The following GRHL3 variants were observed in gnomAD, a reference collection of about 807,000 sequenced individuals.
GRHL3 encodes the protein grainyhead-like protein 3 homolog.
A neutral mutation model predicts 70.3 loss-of-function variants in GRHL3; 20 were observed. The ratio of observed to expected loss-of-function variants is 0.28; its 90% CI spans 0.20 to 0.41. GRHL3 has a LOEUF of 0.41. Among genes scored for constraint, GRHL3 ranks in the 10% least tolerant of loss-of-function variants. The pLI is 1.00. For synonymous variants in GRHL3, 299 were observed against 299.9 expected, an observed-to-expected ratio of 1.00 and a Z score of 0.03; for missense variants, 637 against 762.3, an observed-to-expected ratio of 0.84 and a Z score of 1.94.
chr1:24,343,067 G>A (rs1213995893), intron 11 of GRHL3, 42 bp downstream of exon 11: 1 of 1,612,390 alleles, frequency 6.2e-7, no homozygotes, highest in Non-Finnish European at 8.5e-7. Flanking sequence ...CCGAGAGAGG[G>A]TCCTGGCTCC....
chr1:24,352,270 G>A (rs1307405397), intron 15 of GRHL3, among the ~76,000 whole-genome samples: 1 of 152,116 alleles, frequency 6.6e-6, no homozygotes, highest in Non-Finnish European at 1.5e-5. Context: ...TCAAAGGCCT[G>A]GTTTATTTTC....
exon 16 of GRHL3, chr1:24,364,269 G>A (rs1466944452): frequency 6.5e-7 from 1 of 1,549,216 alleles, no homozygotes; most frequent in Non-Finnish European, 8.7e-7. Flanking sequence ...CTCAAGTGAG[G>A]AACATGGGTT....
At chr1:24,361,306 C>G (rs1391910411) in intron 15 of GRHL3, among the ~76,000 whole-genome samples, 1 of 152,166 alleles carries the variant, frequency 6.6e-6, no homozygotes, top group East Asian at 1.9e-4. Context: ...ACACAGTACT[C>G]AGGATAGGCC....
At chr1:24,356,848 T>A (rs894502613), downstream of GRHL3, among the ~76,000 whole-genome samples, 1 of 152,192 alleles carries the variant, frequency 6.6e-6, no homozygotes, top group Non-Finnish European at 1.5e-5. Flanking sequence ...AGTAAAACTT[T>A]TTTTAAAAAG....
chr1:24,351,100 C>T (rs1239428512), intron 15 of GRHL3, among the ~76,000 whole-genome samples: 1 of 152,238 alleles, frequency 6.6e-6, no homozygotes, highest in Admixed American at 6.5e-5. Flanking sequence ...CCCCTCTGCC[C>T]ACAGCTCCAA....
rs116674530 is a variant in GRHL3 at position 24,336,775 on chromosome 1, C to T, written c.560C>T (p.Pro187Leu). ...NSLFESIHGVPPTQRWQPDST... is the reference protein window; with the variant it reads ...NSLFESIHGVLPTQRWQPDST... ...TTGTTTGAGAGCATTCATGGGGTGC[C>T]GCCCACACAGCGCTGGCAGCCAGAC... Residue 187 changes from proline to leucine, a missense_variant, in exon 4 of 16, where the codon CCG becomes CTG. By Grantham distance (98) the Pro-to-Leu change is moderately conservative. Transcript: ENST00000361548. 1.7e-4 allele frequency: 267 copies of T among 1,613,104 alleles called. 2 individuals are homozygous for T. The African/African-American group carries it at 1.8e-3, about 11-fold the overall frequency.
At chr1:24,351,316 G>C (rs1640495677) in intron 15 of GRHL3, among the ~76,000 whole-genome samples, 1 of 152,082 alleles carries the variant, frequency 6.6e-6, no homozygotes, top group African/African-American at 2.4e-5. Context: ...GCCCAGCCCT[G>C]CCTGCCTTCC....
intron 7 of GRHL3, among the ~76,000 whole-genome samples, chr1:24,338,545 C>G (rs1639916033): frequency 6.6e-6 from 1 of 152,240 alleles, no homozygotes; most frequent in African/African-American, 2.4e-5. Context: ...ACAGCCCGCC[C>G]TCAAGTCTTC....
intron 15 of GRHL3, among the ~76,000 whole-genome samples, chr1:24,351,545 C>A (rs991145627): frequency 6.6e-6 from 1 of 152,090 alleles, no homozygotes; most frequent in Non-Finnish European, 1.5e-5. Context: ...TCTGCTTTCC[C>A]CAGACAAGCC....
chr1:24,329,381 G>T (rs1216857987), intron 1 of GRHL3, among the ~76,000 whole-genome samples: 1 of 152,214 alleles, frequency 6.6e-6, no homozygotes, highest in African/African-American at 2.4e-5. Context: ...GATTACAGGG[G>T]TCTCTGCCCA....
intron 14 of GRHL3, among the ~76,000 whole-genome samples, chr1:24,349,269 G>T (rs1640408715): frequency 1.3e-5 from 2 of 152,234 alleles, no homozygotes; most frequent in Non-Finnish European, 2.9e-5. Flanking sequence ...TCCTCATGCA[G>T]GGAAGTAAGT....
chr1:24,337,189 G>A (rs1300997969), intron 5 of GRHL3, 38 bp downstream of exon 5: 2 of 1,465,334 alleles, frequency 1.4e-6, no homozygotes, highest in Non-Finnish European at 1.9e-6. Flanking sequence ...CACCTGGGCA[G>A]TGGGCAGGAG....
chr1:24,337,892 C>G lies in GRHL3; in HGVS notation c.841-100C>G, dbSNP rs1207865101. The stretch of plus-strand genomic sequence containing the variant: ...TGGGGAAAGGCTGTTTGATAATAGC[C>G]CATTGCCACAGGGTTGGGGAAACTG... On this transcript the variant is annotated intron_variant, in intron 6 of 15. Coordinates refer to ENST00000361548, the MANE Select transcript of GRHL3 (RefSeq NM_198173.3). 1.9e-6 allele frequency: 3 copies of G among 1,565,564 alleles called. No homozygotes were observed. In the African/African-American group the frequency reaches 4.1e-5, roughly 21 times the overall value.
intron 5 of GRHL3, 194 bp from the exon 6 acceptor site, chr1:24,337,442 A>G (rs2148656705): frequency 1.6e-6 from 1 of 623,264 alleles, no homozygotes; most frequent in African/African-American, 1.8e-5. Context: ...CTCATTATTC[A>G]GCAGGACTGT....
chr1:24,331,759 C>T, intron 2 of GRHL3, 147 bp downstream of exon 2: 1 of 551,234 alleles, frequency 1.8e-6, no homozygotes. Flanking sequence ...TGGCACCCTC[C>T]CTTTCCCATG....
At position 24,341,436 on chromosome 1, in the gene GRHL3, C is replaced by T. The variant is rs993613827; in HGVS notation, c.1048-679C>T. On this transcript the variant is annotated intron_variant, in intron 8 of 15. Coordinates refer to ENST00000361548, the MANE Select transcript of GRHL3 (RefSeq NM_198173.3). ...CCCAGCTTCCTGCAGCAGATGTGGG[C>T]GGCCCCTCCTCCAGGCTCACTTTGT... Among the ~76,000 whole-genome samples, 15 of 152,196 alleles carry T rather than the reference C, an allele frequency of 9.9e-5. 1 individual carries two copies. Among genetic ancestry groups the T allele is most frequent in the Admixed American group, 2.6e-4 (4 of 15,280 alleles).
At chr1:24,358,827 T>A (rs1356590458), downstream of GRHL3, among the ~76,000 whole-genome samples, 1 of 152,194 alleles carries the variant, frequency 6.6e-6, no homozygotes, top group Non-Finnish European at 1.5e-5. Flanking sequence ...CTTCCTGCCT[T>A]CTTTAATTCT....
At chr1:24,338,676 T>A (rs1483452238) in intron 7 of GRHL3, among the ~76,000 whole-genome samples, 2 of 152,228 alleles carry the variant, frequency 1.3e-5, no homozygotes, top group African/African-American at 2.4e-5. Flanking sequence ...CTTACAATGC[T>A]GATTTCAGCT....
In GRHL3 at chr1:24,342,804, G is replaced by A. The variant is rs771569908; in HGVS notation, c.1285+32G>A. The A allele has an allele frequency of 1.5e-5, 25 of 1,613,852 alleles. No homozygotes were observed. Among genetic ancestry groups the A allele is most frequent in the Non-Finnish European group, 1.9e-5 (23 of 1,179,726 alleles). ...GGGGATCCAGGGCCTGGGTGGGCTC[G>A]GCTGGCGTGAAGGGGAGAAGGAGAC... On this transcript the variant is annotated intron_variant, in intron 10 of 15. Coordinates refer to ENST00000361548, the MANE Select transcript of GRHL3 (RefSeq NM_198173.3). This position sits in a 1 kb window ranked among gnomAD's most constrained non-coding sequence, Gnocchi z 4.8.
Sources: gnomAD v4.1 joint callset for allele counts (sites outside exome capture counted in the v4.1 genomes callset) on GRCh38, gnomAD v4.1.1 for gene constraint, Gnocchi (gnomAD v3.1) non-coding constraint, MANE v1.5 for transcripts, NCBI Gene and HGNC (gene_info 2026-07-23, HGNC 2026-07-21) for gene names.